The following LPP variants were observed in gnomAD, a reference collection of about 807,000 sequenced individuals.
LPP encodes lipoma-preferred partner.
In LPP, 38 loss-of-function variants were observed where a neutral mutation model predicts 60.4. That is an observed-to-expected ratio of 0.63 (90% CI 0.49 to 0.83). The LOEUF is 0.83. LPP is among the 40% of genes least tolerant of loss of function. LPP has a pLI of 0.00. For synonymous variants in LPP, 328 were observed against 290.8 expected, an observed-to-expected ratio of 1.13 and a Z score of -1.30; for missense variants, 902 against 783.6, an observed-to-expected ratio of 1.15 and a Z score of -1.80.
intron 9 of LPP, among the ~76,000 whole-genome samples, chr3:188,864,914 G>T (rs1389725237): frequency 3.3e-5 from 5 of 152,208 alleles, no homozygotes; most frequent in Non-Finnish European, 7.3e-5. Flanking sequence ...TAAGAAGAGA[G>T]ATACAAAGAA....
intron 3 of LPP, among the ~76,000 whole-genome samples, chr3:188,372,345 A>G (rs1013231598): frequency 1.3e-4 from 20 of 152,242 alleles, no homozygotes; most frequent in Middle Eastern, 3.4e-3. Context: ...ACGATATTTC[A>G]TATGTACACA....
intron 2 of LPP, among the ~76,000 whole-genome samples, chr3:188,312,304 G>A (rs548510852): frequency 3.9e-5 from 6 of 152,176 alleles, no homozygotes; most frequent in East Asian, 1.9e-4. Context: ...TTGTAATTCC[G>A]TTTTCTGAAC....
At chr3:188,458,562 C>T (rs886450726) in intron 4 of LPP, among the ~76,000 whole-genome samples, 1 of 152,130 alleles carries the variant, frequency 6.6e-6, no homozygotes, top group African/African-American at 2.4e-5. Context: ...ATATATTATC[C>T]AGCTTCAGCA....
At chr3:188,456,271 C>T (rs1241729838) in intron 4 of LPP, among the ~76,000 whole-genome samples, 2 of 152,166 alleles carry the variant, frequency 1.3e-5, no homozygotes, top group East Asian at 3.9e-4. Flanking sequence ...CATGTGTGTA[C>T]ATGCATATGT....
At chr3:188,614,405 G>A (rs1004754199) in intron 7 of LPP, among the ~76,000 whole-genome samples, 1 of 152,168 alleles carries the variant, frequency 6.6e-6, no homozygotes, top group African/African-American at 2.4e-5. Context: ...AATGCAGATA[G>A]ATCCCTCAAG....
chr3:188,754,474 C>A (rs1729496171), intron 8 of LPP, among the ~76,000 whole-genome samples: 1 of 152,088 alleles, frequency 6.6e-6, no homozygotes, highest in African/African-American at 2.4e-5. Flanking sequence ...CGGACGAAAC[C>A]TGTTTGGGCG....
intron 9 of LPP, 123 bp downstream of exon 9, chr3:188,760,405 GT>G (rs1731794627): frequency 6.7e-6 from 5 of 742,122 alleles, no homozygotes; most frequent in East Asian, 2.8e-5. Context: ...AAATGTGTGT[GT>G]GGGGTGTGTG....
At chr3:188,662,936 G>A (rs1242366371) in intron 7 of LPP, among the ~76,000 whole-genome samples, 1 of 152,242 alleles carries the variant, frequency 6.6e-6, no homozygotes, top group East Asian at 1.9e-4. Context: ...TGTACTACCT[G>A]TGTCACATGT....
chr3:188,793,963 A>G (rs1744593076), intron 9 of LPP, among the ~76,000 whole-genome samples: 1 of 152,150 alleles, frequency 6.6e-6, no homozygotes, highest in Non-Finnish European at 1.5e-5. Context: ...CATAGCTCCA[A>G]CTTAAGGTGC....
chr3:188,554,000 G>T (rs1044580175), intron 6 of LPP: 1 of 152,186 alleles, frequency 6.6e-6, no homozygotes, highest in African/African-American at 2.4e-5. Flanking sequence ...GGGATAAAAG[G>T]GGGTGCATTT....
chr3:188,161,338 C>T (rs982512894), intron 1 of LPP, among the ~76,000 whole-genome samples: 1 of 152,096 alleles, frequency 6.6e-6, no homozygotes, highest in Non-Finnish European at 1.5e-5. Context: ...GGGTCAGCAG[C>T]GTACGGAGGG....
chr3:188,613,281 T>TATATCC (rs1459811827), intron 7 of LPP, among the ~76,000 whole-genome samples: 3 of 141,042 alleles, frequency 2.1e-5, no homozygotes, highest in African/African-American at 7.9e-5. Flanking sequence ...TATCTATATC[T>TATATCC]ATATCTATAT....
intron 3 of LPP, among the ~76,000 whole-genome samples, chr3:188,345,903 G>T (rs1764218694): frequency 6.6e-6 from 1 of 152,118 alleles, no homozygotes; most frequent in Non-Finnish European, 1.5e-5. Context: ...TTCAAATCCT[G>T]GCTCTAATTA....
chr3:188,598,465 G>A (rs903424141), intron 6 of LPP, among the ~76,000 whole-genome samples: 2 of 152,000 alleles, frequency 1.3e-5, no homozygotes, highest in Non-Finnish European at 2.9e-5. Context: ...AAACATTGAC[G>A]GTAACTAGTA....
chr3:188,514,443 T>A (rs1388124835), intron 5 of LPP, among the ~76,000 whole-genome samples: 5 of 132,482 alleles, frequency 3.8e-5, no homozygotes, highest in Admixed American at 3.2e-4. Context: ...TTTATTTTAT[T>A]TTTTTTTTTA....
intron 7 of LPP, among the ~76,000 whole-genome samples, chr3:188,634,789 T>C (rs1383219330): frequency 6.6e-6 from 1 of 152,192 alleles, no homozygotes; most frequent in Non-Finnish European, 1.5e-5. Flanking sequence ...ATTCCACTGA[T>C]GGTGAGTTGT....
intron 9 of LPP, among the ~76,000 whole-genome samples, chr3:188,769,246 TAATA>T (rs1735110521): frequency 6.6e-6 from 1 of 152,220 alleles, no homozygotes; most frequent in African/African-American, 2.4e-5. Flanking sequence ...TCTCTCACTT[TAATA>T]GACATTCGTA....
At chr3:188,478,286 C>A (rs1803765848) in intron 4 of LPP, among the ~76,000 whole-genome samples, 2 of 152,114 alleles carry the variant, frequency 1.3e-5, no homozygotes, top group Non-Finnish European at 2.9e-5. Flanking sequence ...TAATTTAGCT[C>A]AGTTATGTTC....
At chr3:188,330,132 T>G (rs1215862177) in intron 2 of LPP, among the ~76,000 whole-genome samples, 1 of 152,240 alleles carries the variant, frequency 6.6e-6, no homozygotes, top group Non-Finnish European at 1.5e-5. Flanking sequence ...GTTGATATTT[T>G]ATGTGACTTG....
Sources: gnomAD v4.1 joint callset for allele counts (sites outside exome capture counted in the v4.1 genomes callset) on GRCh38, gnomAD v4.1.1 for gene constraint, MANE v1.5 for transcripts, NCBI Gene and HGNC (gene_info 2026-07-23, HGNC 2026-07-21) for gene names.